CTNND2: variants seen among roughly 807,000 people sequenced by gnomAD.
The protein encoded by CTNND2 is catenin delta 2.
CTNND2 carries 22 observed loss-of-function variants against 144.4 expected under a neutral mutation model. The ratio of observed to expected loss-of-function variants is 0.15; its 90% CI spans 0.11 to 0.22. CTNND2 has a LOEUF of 0.22. Among genes scored for constraint, CTNND2 ranks in the 10% least tolerant of loss-of-function variants. The probability of loss-of-function intolerance (pLI) is 1.00; values close to 1 mark genes in which losing one functional copy is unlikely to be tolerated. For missense variants in CTNND2, 1,353 were observed against 1,618.8 expected (o/e 0.84, Z 2.82); for synonymous variants, 751 against 695.6 (o/e 1.08, Z -1.25).
chr5:11,359,133 T>TACC (rs1426635384), intron 8 of CTNND2, among the ~76,000 whole-genome samples: 1 of 152,244 alleles, frequency 6.6e-6, no homozygotes, highest in East Asian at 1.9e-4. Flanking sequence ...TAATAGACTT[T>TACC]ACCACAAGCA....
intron 3 of CTNND2, among the ~76,000 whole-genome samples, chr5:11,451,219 T>C (rs1338122609): frequency 6.6e-6 from 1 of 152,130 alleles, no homozygotes; most frequent in Non-Finnish European, 1.5e-5. Flanking sequence ...CGTAACGTCT[T>C]TGTCAATAAT....
At chr5:11,475,906 C>G (rs557110083) in intron 3 of CTNND2, among the ~76,000 whole-genome samples, 1 of 152,180 alleles carries the variant, frequency 6.6e-6, no homozygotes, top group Admixed American at 6.6e-5. Context: ...GTAACCCAGG[C>G]TGGAATATGT....
intron 10 of CTNND2, among the ~76,000 whole-genome samples, chr5:11,229,364 A>G: frequency 6.6e-6 from 1 of 152,218 alleles, no homozygotes; most frequent in East Asian, 1.9e-4. Context: ...TTATAACAAA[A>G]TAAAATATTT....
intron 16 of CTNND2, among the ~76,000 whole-genome samples, chr5:11,048,939 G>C (rs754792745): frequency 1.3e-5 from 2 of 152,200 alleles, no homozygotes; most frequent in African/African-American, 2.4e-5. Flanking sequence ...CTGCAGGACA[G>C]ACAGCAGCAG....
Position 11,503,169 on chromosome 5 carries a change from G to A in CTNND2, c.287+61775C>T, listed in dbSNP as rs141146320. Among the ~76,000 whole-genome samples the A allele has an allele frequency of 8.0e-4, 122 of 152,234 alleles. 1 individual carries two copies. In the South Asian group the frequency reaches 9.3e-3, roughly 12 times the overall value. Reference sequence around the variant, plus strand: ...TCTTCAGATTGCATCTATCCCCTTCGCAGTCACATGAAGACAGCCTGCAAA... The same window carrying A: ...TCTTCAGATTGCATCTATCCCCTTCACAGTCACATGAAGACAGCCTGCAAA... On this transcript the variant is annotated intron_variant, in intron 3 of 21. Transcript: ENST00000304623.
chr5:11,459,544 G>A (rs1766020566), intron 3 of CTNND2, among the ~76,000 whole-genome samples: 1 of 152,166 alleles, frequency 6.6e-6, no homozygotes, highest in African/African-American at 2.4e-5. Context: ...CAGACTTAAA[G>A]TTGCCTGACT....
intron 9 of CTNND2, among the ~76,000 whole-genome samples, chr5:11,346,106 C>T (rs1466415240): frequency 2.0e-5 from 3 of 152,252 alleles, no homozygotes; most frequent in Non-Finnish European, 4.4e-5. Flanking sequence ...TTAAAGACGG[C>T]TGTTTACATC....
intron 8 of CTNND2, 93 bp from the exon 9 acceptor site, chr5:11,346,720 A>G: frequency 3.3e-6 from 4 of 1,227,478 alleles, no homozygotes; most frequent in Non-Finnish European, 4.2e-6. Context: ...GAAGTTACAC[A>G]CATAAAAAAT....
chr5:11,296,303 G>A, intron 9 of CTNND2, among the ~76,000 whole-genome samples: 1 of 152,018 alleles, frequency 6.6e-6, no homozygotes, highest in Non-Finnish European at 1.5e-5. Context: ...ACACCAGTTA[G>A]AATGGTGATC....
At chr5:11,425,283 T>C (rs1762687357) in intron 3 of CTNND2, among the ~76,000 whole-genome samples, 1 of 152,204 alleles carries the variant, frequency 6.6e-6, no homozygotes, top group African/African-American at 2.4e-5. Context: ...ATTTGCAGGG[T>C]AGCTACTGCA....
rs1582052476 is a variant in CTNND2 at position 11,879,191 on chromosome 5, CAG to C, written c.37+24624_37+24625del. Among the ~76,000 whole-genome samples, 3 of 151,814 alleles carry C rather than the reference CAG, an allele frequency of 2.0e-5. 1 individual carries two copies. On this transcript the variant is annotated intron_variant, in intron 1 of 21. Transcript: ENST00000304623. ...AAAGGAGAGGAAGGTGGAGGGATGA[CAG>C]AGCAGCAGAGCTGTGGGGCAGACAG...
intron 10 of CTNND2, among the ~76,000 whole-genome samples, chr5:11,223,127 T>C (rs1739965484): frequency 6.6e-6 from 1 of 152,198 alleles, no homozygotes; most frequent in Non-Finnish European, 1.5e-5. Flanking sequence ...CCCATATCTT[T>C]GCATCTTTGG....
intron 9 of CTNND2, among the ~76,000 whole-genome samples, chr5:11,321,966 C>T (rs1414431195): frequency 6.6e-6 from 1 of 152,256 alleles, no homozygotes; most frequent in African/African-American, 2.4e-5. Context: ...TCCAAGCCCC[C>T]AGAAAAATGG....
At chr5:11,851,546 C>T (rs1795014242) in intron 1 of CTNND2, among the ~76,000 whole-genome samples, 1 of 152,218 alleles carries the variant, frequency 6.6e-6, no homozygotes. Flanking sequence ...CTTTATGCAG[C>T]TTTGTTCATT....
At chr5:11,176,435 A>C (rs1167601435) in intron 11 of CTNND2, among the ~76,000 whole-genome samples, 1 of 151,970 alleles carries the variant, frequency 6.6e-6, no homozygotes, top group Non-Finnish European at 1.5e-5. Flanking sequence ...ATTAATATTC[A>C]CACACTGTTT....
intron 14 of CTNND2, among the ~76,000 whole-genome samples, chr5:11,108,628 T>G (rs992476034): frequency 1.3e-5 from 2 of 152,208 alleles, no homozygotes; most frequent in Non-Finnish European, 2.9e-5. Flanking sequence ...TTTTACCCAT[T>G]TAAATTAAAT....
intron 14 of CTNND2, among the ~76,000 whole-genome samples, chr5:11,107,813 C>T (rs1752570103): frequency 2.6e-5 from 4 of 151,984 alleles, no homozygotes; most frequent in Admixed American, 2.6e-4. Flanking sequence ...TGGCTCACAG[C>T]AGCCCTTGGG....
At chr5:11,312,103 C>A (rs1751013934) in intron 9 of CTNND2, among the ~76,000 whole-genome samples, 1 of 122,110 alleles carries the variant, frequency 8.2e-6, no homozygotes, top group African/African-American at 2.9e-5. Context: ...TACACACACC[C>A]CACACGCACA....
chr5:11,702,838 A>G (rs1785514772), intron 2 of CTNND2, among the ~76,000 whole-genome samples: 1 of 152,218 alleles, frequency 6.6e-6, no homozygotes, highest in Admixed American at 6.5e-5. Context: ...TAATCTCTGC[A>G]GGTGCAAACC....
Sources: gnomAD v4.1 joint callset for allele counts (sites outside exome capture counted in the v4.1 genomes callset) on GRCh38, gnomAD v4.1.1 for gene constraint, MANE v1.5 for transcripts, NCBI Gene and HGNC (gene_info 2026-07-23, HGNC 2026-07-21) for gene names.